DUOX1: variants seen among roughly 807,000 people sequenced by gnomAD.
DUOX1 encodes the protein NADPH thyroid oxidase 1.
In DUOX1, 134 loss-of-function variants were observed where a neutral mutation model predicts 181.8. The ratio of observed to expected loss-of-function variants is 0.74; its 90% CI spans 0.64 to 0.85. The LOEUF (loss-of-function observed/expected upper bound fraction) is 0.85. Ranked by LOEUF, DUOX1 falls within the 40% of genes least tolerant of loss-of-function variation. DUOX1 has a pLI of 0.00. For missense variants in DUOX1, 1,814 were observed against 2,064.4 expected, an observed-to-expected ratio of 0.88 and a Z score of 2.35; for synonymous variants, 798 against 832.5, an observed-to-expected ratio of 0.96 and a Z score of 0.71.
intron 14 of DUOX1, among the ~76,000 whole-genome samples, chr15:45,141,643 G>A (rs574903135): frequency 2.0e-5 from 3 of 152,286 alleles, no homozygotes; most frequent in African/African-American, 7.2e-5. Flanking sequence ...GACTCAGAGA[G>A]AGCTGGTGAG....
intron 18 of DUOX1, among the ~76,000 whole-genome samples, chr15:45,146,503 C>G (rs1896659730): frequency 2.6e-5 from 4 of 152,160 alleles, no homozygotes; most frequent in Admixed American, 2.6e-4. Flanking sequence ...CTGTCAGTGT[C>G]TCATATGATT....
At chr15:45,136,977 C>A (rs1896335251) in intron 9 of DUOX1, among the ~76,000 whole-genome samples, 3 of 151,900 alleles carry the variant, frequency 2.0e-5, no homozygotes, top group African/African-American at 7.3e-5. Flanking sequence ...GGCCTGCAAC[C>A]TTTTGGGGGC....
intron 2 of DUOX1, 80 bp from the exon 3 acceptor site, chr15:45,133,784 C>A: frequency 8.1e-7 from 1 of 1,234,942 alleles, no homozygotes; most frequent in Non-Finnish European, 1.2e-6. Flanking sequence ...GCCAGGCTCA[C>A]AGCACCCATA....
Position 45,136,638 on chromosome 15 carries a change from C to T in DUOX1, c.1022+13C>T, listed in dbSNP as rs1896325841. The stretch of plus-strand genomic sequence containing the variant: ...GCGTCTACATGAGGTGAGGGAGGGG[C>T]TCAAAGGTGTGTGTGCTGGGAGGGA... On this transcript the variant is annotated intron_variant, in intron 9 of 33. Coordinates refer to ENST00000389037, the MANE Select transcript of DUOX1 (RefSeq NM_175940.3). The T allele has an allele frequency of 6.2e-7, 1 of 1,613,254 alleles. No homozygotes were observed. Among genetic ancestry groups the T allele is most frequent in the Non-Finnish European group, 8.5e-7 (1 of 1,179,430 alleles).
chr15:45,136,336 T>G lies in DUOX1; in HGVS notation c.865-14T>G. 1 of 1,613,030 alleles carries G rather than the reference T, an allele frequency of 6.2e-7. No homozygotes were observed. The highest frequency in any genetic ancestry group is 8.5e-7 in the Non-Finnish European group (1 of 1,179,984). The stretch of plus-strand genomic sequence containing the variant: ...TCCAACTCGTGCCTCCCCTCGCCCC[T>G]CTCTGCCCCTCAGAACATCGCTGTG... On this transcript the variant is annotated splice_polypyrimidine_tract_variant and intron_variant, in intron 7 of 33. Coordinates refer to ENST00000389037, the MANE Select transcript of DUOX1 (RefSeq NM_175940.3).
Position 45,144,150 on chromosome 15 carries a change from A to G in DUOX1, c.2051A>G (p.Gln684Arg). Reference protein sequence around the residue: ...RLTVLRTIQLQPPQKVNFVLS... With the variant: ...RLTVLRTIQLRPPQKVNFVLS... ...ACCGTGCTCCGCACCATCCAGCTGC[A>G]GCCTCCACAGAAGGTCAACTTCGTC... The change falls in exon 17 of 34, where the codon CAG becomes CGG. Residue 684 changes from glutamine (Q) to arginine (R), a missense_variant. Transcript: ENST00000389037. 1 of 1,614,162 alleles carries G rather than the reference A, an allele frequency of 6.2e-7. No homozygotes were observed. The highest frequency in any genetic ancestry group is 2.2e-5 in the East Asian group (1 of 44,886).
Position 45,137,667 on chromosome 15 carries a change from T to C in DUOX1, c.1023-257T>C, listed in dbSNP as rs111502978. Among the ~76,000 whole-genome samples the C allele has an allele frequency of 3.1e-4, 47 of 152,116 alleles. 1 individual carries two copies. The highest frequency in any genetic ancestry group is 1.1e-3 in the African/African-American group (45 of 41,404). On this transcript the variant is annotated intron_variant, in intron 9 of 33. Coordinates refer to ENST00000389037, the MANE Select transcript of DUOX1 (RefSeq NM_175940.3). ...TATATATTTTATATGTGTGTGTATA[T>C]ACATATATTGAGAGAGAGTCAGAGA...
intron 24 of DUOX1, 105 bp from the exon 25 acceptor site, chr15:45,152,181 G>A (rs996888100): frequency 4.8e-6 from 7 of 1,465,366 alleles, no homozygotes; most frequent in African/African-American, 2.8e-5. Flanking sequence ...AAGACTGTGC[G>A]GGGGAGGCCT....
At chr15:45,159,142 G>A (rs902905734) in intron 28 of DUOX1, among the ~76,000 whole-genome samples, 1 of 152,242 alleles carries the variant, frequency 6.6e-6, no homozygotes, top group Non-Finnish European at 1.5e-5. Flanking sequence ...GGACAGGGCT[G>A]GCTGCAGATG....
chr15:45,142,049 T>G lies in DUOX1; in HGVS notation c.1759T>G (p.Tyr587Asp). 2 of 1,614,058 alleles carry G rather than the reference T, an allele frequency of 1.2e-6. No individual in the cohort carries two copies. Among genetic ancestry groups the G allele is most frequent in the South Asian group, 2.2e-5 (2 of 91,078 alleles). Reference protein sequence around the residue: ...PACAPSVVRDYFEGSGFGFGV... With the variant: ...PACAPSVVRDDFEGSGFGFGV... ...GTGTGCTCCCTCTGTTGTTCGTGAC[T>G]ATTTTGAGGGCAGTGGATTTGGCTT... is the stretch of plus-strand genomic sequence containing the variant. The change falls in exon 15 of 34, where the codon TAT becomes GAT. Residue 587 changes from tyrosine to aspartate, a missense_variant. Physicochemically the swap from Tyr to Asp is radical, Grantham distance 160. Coordinates refer to ENST00000389037, the MANE Select transcript of DUOX1 (RefSeq NM_175940.3).
Position 45,152,319 on chromosome 15 carries a change from C to A in DUOX1, c.3227C>A (p.Thr1076Lys), listed in dbSNP as rs778642532. ...YAFAAHHTGI[T>K]DTTRVGIILS... is the part of the protein sequence containing the mutation. ...TTTGCCGCACATCACACGGGCATCA[C>A]AGACACCACCCGCGTGGGAATCATC... Residue 1076 changes from threonine to lysine, a missense_variant, in exon 25 of 34, where the codon ACA (threonine) becomes AAA (lysine). By Grantham distance (78) the Thr-to-Lys change is moderately conservative (BLOSUM62 -1). Transcript: ENST00000389037. The A allele has an allele frequency of 6.2e-7, 1 of 1,614,124 alleles. No individual in the cohort carries two copies. The highest frequency in any genetic ancestry group is 2.2e-5 in the East Asian group (1 of 44,880).
At position 45,144,998 on chromosome 15, in the gene DUOX1, A is replaced by G; in HGVS notation, c.2240A>G (p.Glu747Gly). Residue 747 changes from glutamate to glycine, a missense_variant, in exon 18 of 34, where the codon GAG (glutamate) becomes GGG (glycine). Around this residue, in one of 5 missense-constraint regions of DUOX1, gnomAD observed 1,064 missense variants for 1,152.9 expected, o/e 0.92. Coordinates refer to ENST00000389037, the MANE Select transcript of DUOX1 (RefSeq NM_175940.3). ...GLSIQEWELREQELMRAAVTR... is the reference protein window; with the variant it reads ...GLSIQEWELRGQELMRAAVTR... ...AGCATCCAGGAGTGGGAGCTGCGGG[A>G]GCAGGAGCTGATGAGAGCAGCTGTG... 6.2e-7 allele frequency: 1 copy of G among 1,614,118 alleles called. No individual in the cohort carries two copies. Among genetic ancestry groups the G allele is most frequent in the Non-Finnish European group, 8.5e-7 (1 of 1,180,012 alleles).
In DUOX1 at chr15:45,148,282, G is replaced by A. The variant is rs750873600; in HGVS notation, c.2653G>A (p.Glu885Lys). The A allele has an allele frequency of 2.5e-6, 4 of 1,614,188 alleles. No homozygotes were observed. The highest frequency in any genetic ancestry group is 1.1e-5 in the South Asian group (1 of 91,076). ...CTCCCCCAACCCCAGATCCTTCATCGAGATCTCCAACAACTGCCTGTCCAA... is the reference window on the plus strand; with the variant it reads ...CTCCCCCAACCCCAGATCCTTCATCAAGATCTCCAACAACTGCCTGTCCAA... ...EFIRMLRSFI[E>K]ISNNCLSKAQ... The change falls in exon 21 of 34, where the codon GAG (glutamate) becomes AAG (lysine). Residue 885 changes from glutamate (E) to lysine (K), a missense_variant. Coordinates refer to ENST00000389037, the MANE Select transcript of DUOX1 (RefSeq NM_175940.3).
intron 33 of DUOX1, among the ~76,000 whole-genome samples, 154 bp downstream of exon 33, chr15:45,164,072 G>A (rs562682882): frequency 6.6e-6 from 1 of 152,186 alleles, no homozygotes; most frequent in Non-Finnish European, 1.5e-5. Flanking sequence ...GGATAGGTGG[G>A]TGTCACCCTT....
intron 28 of DUOX1, among the ~76,000 whole-genome samples, chr15:45,158,286 G>A (rs761940197): frequency 6.6e-6 from 1 of 152,202 alleles, no homozygotes; most frequent in African/African-American, 2.4e-5. Flanking sequence ...TGAACTTGGG[G>A]AAGAAAGAGC....
rs747262030 is a variant in DUOX1, at chr15:45,164,791, G to A, written c.4546G>A (p.Gly1516Arg). The change falls in exon 34 of 34, where the codon GGG becomes AGG. Residue 1516 changes from glycine (G) to arginine (R), a missense_variant. This residue lies in a region of DUOX1 where 124 missense variants were observed against 125.7 expected (regional missense o/e 0.99). Transcript: ENST00000389037. Reference sequence around the variant, plus strand: ...CCTCCTGCAACAGGTCCGGAAGATCGGGGTGTTTAGCTGTGGCCCCCCTGG... The same window carrying A: ...CCTCCTGCAACAGGTCCGGAAGATCAGGGTGTTTAGCTGTGGCCCCCCTGG... ...QEVHPQVRKI[G>R]VFSCGPPGMT... 15 of 1,614,150 alleles carry A rather than the reference G, an allele frequency of 9.3e-6. No homozygotes were observed. The highest frequency in any genetic ancestry group is 2.2e-5 in the East Asian group (1 of 44,884).
chr15:45,155,726 G>A (rs1896954120), intron 27 of DUOX1, 76 bp from the exon 28 acceptor site: 1 of 1,600,498 alleles, frequency 6.2e-7, no homozygotes, highest in Admixed American at 1.7e-5. Flanking sequence ...GAGTGGAGAG[G>A]GGACCTTGGA....
At chr15:45,146,320 T>G (rs1896653426) in intron 18 of DUOX1, among the ~76,000 whole-genome samples, 1 of 152,216 alleles carries the variant, frequency 6.6e-6, no homozygotes, top group Non-Finnish European at 1.5e-5. Context: ...TAAAGTCATT[T>G]GAGGACAAAC....
chr15:45,135,350 C>A, intron 5 of DUOX1, 59 bp downstream of exon 5: 4 of 1,515,524 alleles, frequency 2.6e-6, no homozygotes, highest in Non-Finnish European at 3.5e-6. Context: ...ACCTGGGCTT[C>A]GGGCCTGGCA....
Sources: gnomAD v4.1 joint callset for allele counts (sites outside exome capture counted in the v4.1 genomes callset) on GRCh38, gnomAD v4.1.1 for gene constraint, gnomAD v4.1.1 regional missense constraint, MANE v1.5 for transcripts, NCBI Gene and HGNC (gene_info 2026-07-23, HGNC 2026-07-21) for gene names.